Variants in MYPN observed in about 807,000 individuals in gnomAD.
MYPN encodes myopalladin, also known as sarcomeric protein myopalladin, 145 kDa (MYOP).
A neutral mutation model predicts 129.4 loss-of-function variants in MYPN; 63 were observed. The observed-to-expected ratio is 0.49, with a 90% CI of 0.40 to 0.60. The LOEUF (loss-of-function observed/expected upper bound fraction) is 0.60. Among genes scored for constraint, MYPN ranks in the 20% least tolerant of loss-of-function variants. The probability of loss-of-function intolerance (pLI) is 0.00; values close to 1 mark genes in which losing one functional copy is unlikely to be tolerated. For synonymous variants in MYPN, 629 were observed against 600.9 expected (o/e 1.05, Z -0.68); for missense variants, 1,596 against 1,635.4 (o/e 0.98, Z 0.42).
rs760469231 is a variant in MYPN at position 68,121,819 on chromosome 10, C to T, written c.381C>T (p.Ser127=). The T allele has an allele frequency of 1.2e-6, 2 of 1,614,204 alleles. No individual in the cohort carries two copies. The highest frequency in any genetic ancestry group is 1.1e-5 in the South Asian group (1 of 91,084). ...AGGATAACCCTCGAAGTCCCACCAG[C>T]TCTAAAGAAAGCCCCCAGGAGGCAA... The part of the protein sequence containing the change: ...FCQDNPRSPT[S]SKESPQEAKR... The change falls in exon 2 of 20, where the codon AGC becomes AGT. Residue 127 remains serine (S), a synonymous_variant. Transcript: ENST00000358913.
intron 6 of MYPN, among the ~76,000 whole-genome samples, chr10:68,150,341 T>C (rs2042747776): frequency 6.6e-6 from 1 of 152,210 alleles, no homozygotes; most frequent in South Asian, 2.1e-4. Flanking sequence ...CTAATCTCTG[T>C]GGCCATTATA....
chr10:68,122,362 T>A lies in MYPN; in HGVS notation c.902+22T>A, dbSNP rs370015498. The A allele has an allele frequency of 2.5e-5, 41 of 1,610,472 alleles. No homozygotes were observed. The African/African-American group carries it at 5.1e-4, about 20-fold the overall frequency. On this transcript the variant is annotated intron_variant, in intron 2 of 19. Coordinates refer to ENST00000358913, the MANE Select transcript of MYPN (RefSeq NM_032578.4). ...TAAGGTAAAAATGTCCCATTGGTAA[T>A]GCTGAGTAATGTTGCTTTCCATCTA...
intron 10 of MYPN, among the ~76,000 whole-genome samples, chr10:68,168,730 G>A (rs2043091906): frequency 6.6e-6 from 1 of 152,116 alleles, no homozygotes; most frequent in Admixed American, 6.5e-5. Flanking sequence ...GGAGTCAGTA[G>A]AAAGGATTGT....
intron 18 of MYPN, among the ~76,000 whole-genome samples, chr10:68,202,641 G>A (rs1200034803): frequency 6.6e-6 from 1 of 152,014 alleles, no homozygotes; most frequent in African/African-American, 2.4e-5. Flanking sequence ...TCTTAAACTG[G>A]GTACGTTGCT....
chr10:68,206,341 C>G (rs1337454746), intron 18 of MYPN, among the ~76,000 whole-genome samples: 4 of 152,118 alleles, frequency 2.6e-5, no homozygotes, highest in Non-Finnish European at 5.9e-5. Context: ...GGAAGCTGCA[C>G]GAGCCCAGCT....
chr10:68,147,237 C>A (rs2042682129), intron 4 of MYPN, among the ~76,000 whole-genome samples: 3 of 152,182 alleles, frequency 2.0e-5, no homozygotes, highest in Non-Finnish European at 2.9e-5. Flanking sequence ...TCACTGCAAC[C>A]TCTGCCACCC....
In MYPN at chr10:68,121,707, A is replaced by T. The variant is rs773233702; in HGVS notation, c.269A>T (p.Lys90Met). 6.2e-7 allele frequency: 1 copy of T among 1,614,108 alleles called. No individual in the cohort carries two copies. Residue 90 changes from lysine to methionine, a missense_variant, in exon 2 of 20, where the codon AAG (lysine) becomes ATG (methionine). By Grantham distance (95) the Lys-to-Met change is moderately conservative (BLOSUM62 -1). Coordinates refer to ENST00000358913, the MANE Select transcript of MYPN (RefSeq NM_032578.4). ...RLAINYDPLE[K>M]ADETQARKRL... ...GCCATCAATTACGACCCTTTGGAGA[A>T]GGCAGATGAAACTCAAGCTAGAAAA...
In MYPN at chr10:68,210,853, ACT is replaced by A. The variant is rs1485572712; in HGVS notation, c.*400_*401del. Reference sequence around the variant, plus strand: ...CAGTAGTGACCTTAGGATATGACTAACTCACCAAACAATGCCAAGGAGAAAGG... The same window carrying A: ...CAGTAGTGACCTTAGGATATGACTAACACCAAACAATGCCAAGGAGAAAGG... On this transcript the variant is annotated 3_prime_UTR_variant, in exon 20 of 20. Transcript: ENST00000358913. 2 of 457,434 alleles carry A rather than the reference ACT, an allele frequency of 4.4e-6. No homozygotes were observed. The highest frequency in any genetic ancestry group is 4.0e-5 in the African/African-American group (2 of 50,104). 28.3% of individuals were successfully genotyped at this position (457,434 alleles called of 1,614,324 possible).
At chr10:68,146,592 A>G (rs1206533159) in intron 4 of MYPN, among the ~76,000 whole-genome samples, 2 of 152,232 alleles carry the variant, frequency 1.3e-5, no homozygotes, top group East Asian at 3.8e-4. Flanking sequence ...TGAAACAGAT[A>G]TTTATTTCTT....
intron 16 of MYPN, among the ~76,000 whole-genome samples, chr10:68,197,989 C>T (rs2043639998): frequency 1.3e-5 from 2 of 152,036 alleles, no homozygotes; most frequent in African/African-American, 2.4e-5. Context: ...ATCATGTACT[C>T]GGAACGAAAC....
intron 12 of MYPN, among the ~76,000 whole-genome samples, chr10:68,187,680 A>G (rs911177493): frequency 6.6e-6 from 1 of 152,204 alleles, no homozygotes; most frequent in Non-Finnish European, 1.5e-5. Flanking sequence ...GAAAGAGACC[A>G]GGCTTGGAGA....
chr10:68,186,010 A>G (rs1360457347), intron 12 of MYPN, among the ~76,000 whole-genome samples: 2 of 152,232 alleles, frequency 1.3e-5, no homozygotes, highest in African/African-American at 4.8e-5. Flanking sequence ...ACATGGTTCT[A>G]CCTAACAGGT....
At position 68,166,425 on chromosome 10, in the gene MYPN, C is replaced by T; in HGVS notation, c.1732C>T (p.Leu578Phe). Residue 578 changes from leucine (L) to phenylalanine (F), a missense_variant, in exon 10 of 20, where the codon CTC (leucine) becomes TTC (phenylalanine). Physicochemically the swap from Leu to Phe is conservative, Grantham distance 22. Transcript: ENST00000358913. The stretch of plus-strand genomic sequence containing the variant: ...TGTGGAACAACCCCCCAAACCCAAA[C>T]TCGAGGGGGTTCTGGTGAACCACAA... ...PSVEQPPKPKLEGVLVNHNEP... is the reference protein window; with the variant it reads ...PSVEQPPKPKFEGVLVNHNEP... The T allele has an allele frequency of 6.2e-7, 1 of 1,614,152 alleles. No individual in the cohort carries two copies.
At position 68,139,446 on chromosome 10, in the gene MYPN, C is replaced by G. The variant is rs924611099; in HGVS notation, c.903-3494C>G. Among the ~76,000 whole-genome samples the G allele has an allele frequency of 2.0e-5, 3 of 152,292 alleles. No individual in the cohort carries two copies. In the South Asian group the frequency reaches 6.2e-4, roughly 32 times the overall value. ...ACCTGCTATTGTCTCCCCTTCCATT[C>G]TTTTTGTCTCTATGGTTTTGTACCT... On this transcript the variant is annotated intron_variant, in intron 2 of 19. Coordinates refer to ENST00000358913, the MANE Select transcript of MYPN (RefSeq NM_032578.4).
At chr10:68,118,770 G>T (rs2042194688) in intron 1 of MYPN, among the ~76,000 whole-genome samples, 1 of 151,956 alleles carries the variant, frequency 6.6e-6, no homozygotes, top group Admixed American at 6.6e-5. Context: ...GGAGTTTAAG[G>T]CTACAGTGAG....
intron 2 of MYPN, chr10:68,136,109 A>G (rs531895251): frequency 1.5e-5 from 6 of 403,132 alleles, no homozygotes; most frequent in Non-Finnish European, 2.0e-5. Flanking sequence ...GCCATATTTT[A>G]GAATAAATAG....
chr10:68,151,332 G>A (rs577988958), intron 6 of MYPN, among the ~76,000 whole-genome samples: 2 of 152,264 alleles, frequency 1.3e-5, no homozygotes, highest in South Asian at 2.1e-4. Flanking sequence ...ATATCAGTTA[G>A]GCAAACATTC....
rs143485457 is a variant in MYPN at position 68,125,084 on chromosome 10, A to C, written c.902+2744A>C. On this transcript the variant is annotated intron_variant, in intron 2 of 19. Transcript: ENST00000358913. Reference sequence around the variant, plus strand: ...AGATCATTCAGGTCTCATCCTACTCATTTTTCAACCATGACAATCTCAGAT... The same window carrying C: ...AGATCATTCAGGTCTCATCCTACTCCTTTTTCAACCATGACAATCTCAGAT... Among the ~76,000 whole-genome samples, 482 of 152,272 alleles carry C rather than the reference A, an allele frequency of 3.2e-3. 17 individuals are homozygous for C. In the Middle Eastern group the frequency reaches 0.048, roughly 15 times the overall value.
intron 3 of MYPN, among the ~76,000 whole-genome samples, chr10:68,144,331 A>C (rs1163049885): frequency 6.6e-6 from 1 of 152,150 alleles, no homozygotes; most frequent in Non-Finnish European, 1.5e-5. Context: ...TTTAGCATTT[A>C]AACATATTAT....
Sources: allele counts gnomAD v4.1 joint callset (sites outside exome capture counted in the v4.1 genomes callset), GRCh38; gene constraint gnomAD v4.1.1; transcripts MANE v1.5; gene names NCBI Gene and HGNC (gene_info 2026-07-23, HGNC 2026-07-21).